FGFR1: variants seen among roughly 807,000 people sequenced by gnomAD.
FGFR1 encodes FGFR1/PLAG1 fusion.
FGFR1 carries 18 observed loss-of-function variants against 93.7 expected under a neutral mutation model. That is an observed-to-expected ratio of 0.19 (90% CI 0.13 to 0.28). The LOEUF (loss-of-function observed/expected upper bound fraction) is 0.28, where lower values mean the gene tolerates loss of function less well. Ranked by LOEUF, FGFR1 falls within the 10% of genes least tolerant of loss-of-function variation. FGFR1 has a pLI of 1.00. For synonymous variants in FGFR1, 448 were observed against 429.3 expected, an observed-to-expected ratio of 1.04 and a Z score of -0.54; for missense variants, 731 against 1,080.4, an observed-to-expected ratio of 0.68 and a Z score of 4.53.
intron 2 of FGFR1, chr8:38,430,707 C>T (rs1052381006): frequency 6.6e-6 from 1 of 152,454 alleles, no homozygotes. Flanking sequence ...GGTCCTTTCT[C>T]CTCAGCCCTC....
Position 38,411,874 on chromosome 8 carries a change from TAC to T in FGFR1, c.*1752_*1753del, listed in dbSNP as rs1814517222. On this transcript the variant is annotated 3_prime_UTR_variant, in exon 18 of 18. Transcript: ENST00000447712. The stretch of plus-strand genomic sequence containing the variant: ...CAAGATCTGCGACAGTCCCAACAAA[TAC>T]AGTCTGGTCACATGGATACAGGAAG... 3 of 228,450 alleles carry T rather than the reference TAC, an allele frequency of 1.3e-5. No homozygotes were observed. Among genetic ancestry groups the T allele is most frequent in the South Asian group, 1.8e-4 (1 of 5,480 alleles). 14.2% of individuals were successfully genotyped at this position (228,450 alleles called of 1,614,324 possible).
intron 2 of FGFR1, among the ~76,000 whole-genome samples, chr8:38,440,575 C>CTTTT (rs557897454): frequency 7.2e-6 from 1 of 137,964 alleles, no homozygotes; most frequent in East Asian, 2.1e-4. Context: ...TGGAGAAGGG[C>CTTTT]TTTTTTTTTT....
intron 7 of FGFR1, chr8:38,422,189 T>A (rs1263438205): frequency 1.9e-6 from 1 of 528,910 alleles, no homozygotes; most frequent in Non-Finnish European, 3.4e-6. Context: ...CTTCACCAGA[T>A]GCTGGCAGCC....
rs1820737686 is a variant in FGFR1 at position 38,426,316 on chromosome 8, C to G, written c.622-71G>C. The G allele has an allele frequency of 6.2e-7, 1 of 1,600,736 alleles. No individual in the cohort carries two copies. On this transcript the variant is annotated intron_variant, in intron 5 of 17. Transcript: ENST00000447712. The surrounding 1 kb of genome is among the most constrained non-coding windows in gnomAD (Gnocchi z 4.1). ...TGCAGGCCCCATGACAATGTCGGCACCCCGTGGCACCTGCCCTCCATATCA... is the reference window on the plus strand; with the variant it reads ...TGCAGGCCCCATGACAATGTCGGCAGCCCGTGGCACCTGCCCTCCATATCA...
intron 2 of FGFR1, among the ~76,000 whole-genome samples, chr8:38,432,696 G>A (rs893244605): frequency 4.6e-5 from 7 of 152,106 alleles, no homozygotes; most frequent in South Asian, 2.1e-4. Context: ...GCGCCCAGCC[G>A]GGATAATCTT....
In FGFR1 at chr8:38,420,580, AGTTCG is replaced by A. The variant is rs570796919; in HGVS notation, c.1082-850_1082-846del. On this transcript the variant is annotated intron_variant, in intron 8 of 17. Coordinates refer to ENST00000447712, the MANE Select transcript of FGFR1 (RefSeq NM_023110.3). ...ACCCCATTGCCACAGCAGCTAAGCCAGTTCGGTCCACCTTTCCCTTCAGCACGAGA... is the reference window on the plus strand; with the variant it reads ...ACCCCATTGCCACAGCAGCTAAGCCAGTCCACCTTTCCCTTCAGCACGAGA... Among the ~76,000 whole-genome samples the A allele has an allele frequency of 3.4e-4, 51 of 152,130 alleles. 1 individual carries two copies. The highest frequency in any genetic ancestry group is 1.2e-3 in the African/African-American group (49 of 41,486).
At position 38,419,717 on chromosome 8, in the gene FGFR1, G is replaced by A. The variant is rs1324436328; in HGVS notation, c.1100C>T (p.Ala367Val). ...CAGGTACAGGGGCGAGGTCATCACT[G>A]CCGGCCTCTCTTCCAGGGCTGAGTC... ...TVLEALEERP[A>V]VMTSPLYLEI... The change falls in exon 9 of 18, where the codon GCA becomes GTA. Residue 367 changes from alanine (A) to valine (V), a missense_variant. Ala to Val is a moderately conservative substitution (Grantham distance 64). Around this residue, in one of 10 missense-constraint regions of FGFR1, gnomAD observed 146 missense variants for 173.0 expected, o/e 0.84. Transcript: ENST00000447712. 2.5e-6 allele frequency: 4 copies of A among 1,614,012 alleles called. No homozygotes were observed. Among genetic ancestry groups the A allele is most frequent in the Non-Finnish European group, 3.4e-6 (4 of 1,180,018 alleles).
chr8:38,415,632 G>A (rs972172646), intron 13 of FGFR1, among the ~76,000 whole-genome samples: 1 of 152,016 alleles, frequency 6.6e-6, no homozygotes, highest in African/African-American at 2.4e-5. Flanking sequence ...CTGAGGCTAC[G>A]CAGAAAGTGG....
At chr8:38,420,706 C>T (rs1818418915) in intron 8 of FGFR1, among the ~76,000 whole-genome samples, 1 of 152,076 alleles carries the variant, frequency 6.6e-6, no homozygotes, top group Non-Finnish European at 1.5e-5. Flanking sequence ...CCACAGGCCT[C>T]CTCCCAACCT....
chr8:38,445,126 C>A lies in FGFR1; in HGVS notation c.91+12230G>T, dbSNP rs183859562. On this transcript the variant is annotated intron_variant, in intron 2 of 17. Transcript: ENST00000447712. ...TGGGTCTTGTGAGATGATAGAGGGG[C>A]ATCGCTTACTGGCATCCCTTTCCGT... Among the ~76,000 whole-genome samples, 228 of 152,312 alleles carry A rather than the reference C, an allele frequency of 1.5e-3. 1 individual carries two copies. The highest frequency in any genetic ancestry group is 5.2e-3 in the African/African-American group (215 of 41,582).
chr8:38,417,527 C>T, intron 11 of FGFR1, 111 bp from the exon 12 acceptor site: 1 of 912,576 alleles, frequency 1.1e-6, no homozygotes, highest in Non-Finnish European at 1.8e-6. Flanking sequence ...ACTTGATTCT[C>T]TCCTCCCCAC....
chr8:38,440,011 G>C (rs1459467572), intron 2 of FGFR1, among the ~76,000 whole-genome samples: 1 of 152,160 alleles, frequency 6.6e-6, no homozygotes, highest in Non-Finnish European at 1.5e-5. Flanking sequence ...ATGTCTCAGG[G>C]TAGCAATTTC....
Position 38,468,172 on chromosome 8 carries a change from A to G in FGFR1, c.-280T>C, listed in dbSNP as rs1163077537. The G allele has an allele frequency of 2.2e-5, 5 of 225,692 alleles. No homozygotes were observed. The allele number at this position is 225,692 out of a possible 1,614,324, so 14.0% of individuals were successfully genotyped here. On this transcript the variant is annotated 5_prime_UTR_variant, in exon 1 of 18. Transcript: ENST00000447712. ...CTCGGCGCCTCCAGCCCGGGCGGGA[A>G]CAATGGAGCCGGAGCTGGTGCCCCG...
chr8:38,427,825 G>A, intron 5 of FGFR1, 96 bp downstream of exon 5: 8 of 1,358,172 alleles, frequency 5.9e-6, no homozygotes, highest in South Asian at 2.4e-5. Context: ...TAGGTGGAAA[G>A]TATTACTTAA....
At chr8:38,460,907 T>A (rs1834243169) in intron 1 of FGFR1, among the ~76,000 whole-genome samples, 1 of 152,180 alleles carries the variant, frequency 6.6e-6, no homozygotes, top group Non-Finnish European at 1.5e-5. Flanking sequence ...GACAGATAGA[T>A]GTAACCTGCA....
chr8:38,421,741 T>G (rs1586236128), intron 8 of FGFR1, 56 bp downstream of exon 8: 2 of 1,585,706 alleles, frequency 1.3e-6, no homozygotes, highest in Non-Finnish European at 1.7e-6. Flanking sequence ...AAATGCATGC[T>G]CCCCCCGTGC....
intron 2 of FGFR1, among the ~76,000 whole-genome samples, chr8:38,441,067 C>G (rs948238853): frequency 6.7e-6 from 1 of 148,882 alleles, no homozygotes; most frequent in African/African-American, 2.5e-5. Context: ...GCCCCGAGAC[C>G]CCCCAAAAAC....
rs1424847261 is a variant in FGFR1, at chr8:38,411,331, G to A, written c.*2297C>T. On this transcript the variant is annotated 3_prime_UTR_variant, in exon 18 of 18. Coordinates refer to ENST00000447712, the MANE Select transcript of FGFR1 (RefSeq NM_023110.3). Reference sequence around the variant, plus strand: ...TCACACAACATTGCTTCAAGGTAGGGCCAAGGCAGAAATTATCATCACTGT... The same window carrying A: ...TCACACAACATTGCTTCAAGGTAGGACCAAGGCAGAAATTATCATCACTGT... 2 of 214,166 alleles carry A rather than the reference G, an allele frequency of 9.3e-6. No individual in the cohort carries two copies. Among genetic ancestry groups the A allele is most frequent in the East Asian group, 1.4e-4 (2 of 14,384 alleles). The allele number at this position is 214,166 out of a possible 1,614,324, so 13.3% of individuals were successfully genotyped here.
chr8:38,418,701 G>C (rs1817645524), intron 9 of FGFR1: 1 of 394,946 alleles, frequency 2.5e-6, no homozygotes, highest in Non-Finnish European at 4.8e-6. Context: ...CTTTGCCTTA[G>C]CTTATGGATT....
Sources: gnomAD v4.1 joint callset for allele counts (sites outside exome capture counted in the v4.1 genomes callset) on GRCh38, gnomAD v4.1.1 for gene constraint, gnomAD v4.1.1 regional missense constraint, Gnocchi (gnomAD v3.1) non-coding constraint, MANE v1.5 for transcripts, NCBI Gene and HGNC (gene_info 2026-07-23, HGNC 2026-07-21) for gene names.